The following HS3ST4 variants were observed in gnomAD, a reference collection of about 807,000 sequenced individuals.
HS3ST4 encodes heparan sulfate glucosamine 3-O-sulfotransferase 4.
HS3ST4 carries 17 observed loss-of-function variants against 29.2 expected under a neutral mutation model. The observed-to-expected ratio is 0.58, with a 90% CI of 0.40 to 0.87. The LOEUF (loss-of-function observed/expected upper bound fraction) is 0.87. Ranked by LOEUF, HS3ST4 falls within the 40% of genes least tolerant of loss-of-function variation. HS3ST4 has a pLI of 0.00. For missense variants in HS3ST4, 627 were observed against 634.5 expected (o/e 0.99, Z 0.13); for synonymous variants, 314 against 285.7 (o/e 1.10, Z -1.00).
At chr16:25,769,855 A>G (rs757655643) in intron 1 of HS3ST4, among the ~76,000 whole-genome samples, 14 of 152,172 alleles carry the variant, frequency 9.2e-5, no homozygotes, top group Admixed American at 7.9e-4. Flanking sequence ...TAGCCAACAC[A>G]GGGGCAATGG....
At chr16:26,061,811 G>A (rs1048533792) in intron 1 of HS3ST4, among the ~76,000 whole-genome samples, 2 of 152,100 alleles carry the variant, frequency 1.3e-5, no homozygotes, top group African/African-American at 2.4e-5. Flanking sequence ...ATATAATCTC[G>A]TGGTGGCAAG....
At chr16:25,729,377 C>T (rs1018743435) in intron 1 of HS3ST4, among the ~76,000 whole-genome samples, 1 of 152,140 alleles carries the variant, frequency 6.6e-6, no homozygotes, top group Non-Finnish European at 1.5e-5. Flanking sequence ...TTGCTATAAA[C>T]GCCACAGCAC....
In HS3ST4 at chr16:26,034,759, G is replaced by A. The variant is rs147094333; in HGVS notation, c.735-100853G>A. On this transcript the variant is annotated intron_variant, in intron 1 of 1. Coordinates refer to ENST00000331351, the MANE Select transcript of HS3ST4 (RefSeq NM_006040.3). ...AAAGCCTATTAAAAAAAAAACTGAC[G>A]TGAGTTCAAGACCAGCCTGGGCAAC... Among the ~76,000 whole-genome samples the A allele has an allele frequency of 2.4e-3, 362 of 151,740 alleles. 1 individual carries two copies. Among genetic ancestry groups the A allele is most frequent in the African/African-American group, 8.4e-3 (346 of 41,366 alleles).
At chr16:25,867,591 CAT>C (rs1190612941) in intron 1 of HS3ST4, among the ~76,000 whole-genome samples, 1 of 151,956 alleles carries the variant, frequency 6.6e-6, no homozygotes, top group Admixed American at 6.6e-5. Flanking sequence ...CGCACACACA[CAT>C]GCACACACAC....
At chr16:26,096,195 A>G (rs562881708) in intron 1 of HS3ST4, among the ~76,000 whole-genome samples, 1 of 152,340 alleles carries the variant, frequency 6.6e-6, no homozygotes, top group South Asian at 2.1e-4. Context: ...TTCCTTCTGA[A>G]ACTATTCCAA....
chr16:25,883,444 G>A (rs115531963), intron 1 of HS3ST4, among the ~76,000 whole-genome samples: 3,519 of 152,122 alleles, frequency 0.023, 141 homozygotes, highest in African/African-American at 0.08. Context: ...AGCTGTTGAC[G>A]GGGTAGCAGG....
chr16:25,745,562 T>G (rs1966679996), intron 1 of HS3ST4, among the ~76,000 whole-genome samples: 1 of 152,160 alleles, frequency 6.6e-6, no homozygotes, highest in African/African-American at 2.4e-5. Context: ...TTCACAAAAT[T>G]TAAGTGTTAA....
intron 1 of HS3ST4, among the ~76,000 whole-genome samples, chr16:25,998,434 G>T (rs1467450948): frequency 6.6e-6 from 1 of 152,122 alleles, no homozygotes; most frequent in African/African-American, 2.4e-5. Context: ...TCACACTTTG[G>T]AGTCATATTG....
At chr16:25,827,864 A>G (rs1355527692) in intron 1 of HS3ST4, among the ~76,000 whole-genome samples, 2 of 152,214 alleles carry the variant, frequency 1.3e-5, no homozygotes, top group African/African-American at 4.8e-5. Context: ...ATGTTAACAG[A>G]TGAGGAAGCT....
chr16:25,921,233 A>G (rs1239229403), intron 1 of HS3ST4, among the ~76,000 whole-genome samples: 1 of 152,220 alleles, frequency 6.6e-6, no homozygotes, highest in African/African-American at 2.4e-5. Flanking sequence ...ATTACGATAC[A>G]GTCTCAAATT....
intron 1 of HS3ST4, among the ~76,000 whole-genome samples, chr16:25,884,866 C>A (rs755809382): frequency 6.6e-6 from 1 of 152,126 alleles, no homozygotes. Flanking sequence ...TCAACCACTG[C>A]GCCCGGCCGA....
chr16:25,901,317 G>A (rs59817281), intron 1 of HS3ST4, among the ~76,000 whole-genome samples: 3 of 152,198 alleles, frequency 2.0e-5, no homozygotes, highest in Non-Finnish European at 2.9e-5. Context: ...AGGGCTGGCA[G>A]TGCAATATCC....
At chr16:25,815,946 C>T (rs1465722924) in intron 1 of HS3ST4, among the ~76,000 whole-genome samples, 1 of 151,988 alleles carries the variant, frequency 6.6e-6, no homozygotes, top group East Asian at 1.9e-4. Context: ...GGAGGGCCTT[C>T]TCAAATGAAA....
intron 1 of HS3ST4, among the ~76,000 whole-genome samples, chr16:25,789,174 G>C (rs753978098): frequency 2.0e-5 from 3 of 152,052 alleles, no homozygotes; most frequent in African/African-American, 7.2e-5. Context: ...GAGCCATAAA[G>C]GATGTTATTT....
intron 1 of HS3ST4, among the ~76,000 whole-genome samples, chr16:25,983,356 C>A (rs1447260346): frequency 6.6e-6 from 1 of 152,162 alleles, no homozygotes; most frequent in Non-Finnish European, 1.5e-5. Context: ...ATAATAACAC[C>A]TACATCTCAG....
intron 1 of HS3ST4, among the ~76,000 whole-genome samples, chr16:25,796,185 T>C (rs904415976): frequency 8.5e-5 from 13 of 152,170 alleles, no homozygotes; most frequent in Non-Finnish European, 1.6e-4. Context: ...CTTGTAACAA[T>C]TGTCCCTGCC....
intron 1 of HS3ST4, among the ~76,000 whole-genome samples, chr16:26,120,848 G>T (rs556829427): frequency 6.6e-6 from 1 of 152,132 alleles, no homozygotes; most frequent in Non-Finnish European, 1.5e-5. Context: ...GATGCACATG[G>T]GCTAAAAATG....
chr16:25,886,390 C>T (rs1270191430), intron 1 of HS3ST4, among the ~76,000 whole-genome samples: 1 of 152,114 alleles, frequency 6.6e-6, no homozygotes. Context: ...TAAAGTCAAC[C>T]GGCAGAACAC....
At chr16:25,912,231 C>T (rs1429915777) in intron 1 of HS3ST4, among the ~76,000 whole-genome samples, 2 of 152,172 alleles carry the variant, frequency 1.3e-5, no homozygotes, top group Non-Finnish European at 2.9e-5. Flanking sequence ...CTACCAATAT[C>T]CTCAGGTCTT....
Sources: allele counts gnomAD v4.1 joint callset (sites outside exome capture counted in the v4.1 genomes callset), GRCh38; gene constraint gnomAD v4.1.1; transcripts MANE v1.5; gene names NCBI Gene and HGNC (gene_info 2026-07-23, HGNC 2026-07-21).